HTRA4: variants seen among roughly 807,000 people sequenced by gnomAD.
HTRA4 encodes the protein serine protease HTRA4.
Under a neutral mutation model 49.1 loss-of-function variants are expected in HTRA4, and 46 were observed. That is an observed-to-expected ratio of 0.94 (90% CI 0.74 to 1.20). HTRA4 has a LOEUF of 1.20. Ranked by LOEUF, HTRA4 falls within the 50% of genes most tolerant of loss-of-function variation. The pLI, the probability that HTRA4 is intolerant of heterozygous loss-of-function variation, is 0.00. For synonymous variants in HTRA4, 261 were observed against 264.0 expected (o/e 0.99, Z 0.11); for missense variants, 602 against 636.9 (o/e 0.95, Z 0.59).
At chr8:38,981,575 CCTT>C (rs1457440590) in intron 5 of HTRA4, 75 bp from the exon 6 acceptor site, 19 of 940,526 alleles carry the variant, frequency 2.0e-5, no homozygotes, top group South Asian at 2.8e-5. Flanking sequence ...TAGCTTCACT[CCTT>C]CTTCTGCTTG....
Position 38,978,163 on chromosome 8 carries a change from C to T in HTRA4, c.966+16C>T. The T allele has an allele frequency of 6.2e-7, 1 of 1,600,650 alleles. No individual in the cohort carries two copies. Among genetic ancestry groups the T allele is most frequent in the Non-Finnish European group, 8.5e-7 (1 of 1,172,276 alleles). On this transcript the variant is annotated intron_variant, in intron 4 of 8. Transcript: ENST00000302495. ...CACAATTAATGTAAGTCACTTAGGACAGAGGTGCCCAACCCATGGGCTGTG... is the reference window on the plus strand; with the variant it reads ...CACAATTAATGTAAGTCACTTAGGATAGAGGTGCCCAACCCATGGGCTGTG...
intron 8 of HTRA4, among the ~76,000 whole-genome samples, chr8:38,984,128 G>GT (rs1835456914): frequency 6.6e-6 from 1 of 151,892 alleles, no homozygotes; most frequent in South Asian, 2.1e-4. Context: ...AGCCTCCCGA[G>GT]TAGCTGGGAT....
chr8:38,982,468 G>A, intron 6 of HTRA4, 30 bp from the exon 7 acceptor site: 1 of 1,600,154 alleles, frequency 6.2e-7, no homozygotes, highest in South Asian at 1.1e-5. Context: ...AAGAGGTTTT[G>A]TTGTAACACA....
In HTRA4 at chr8:38,978,148, G is replaced by C. The variant is rs781612001; in HGVS notation, c.966+1G>C. The C allele has an allele frequency of 7.4e-6, 12 of 1,610,880 alleles. No homozygotes were observed. Among genetic ancestry groups the C allele is most frequent in the Non-Finnish European group, 1.0e-5 (12 of 1,178,158 alleles). On this transcript the variant is annotated splice_donor_variant, in intron 4 of 8. Transcript: ENST00000302495. LOFTEE classifies it high-confidence loss of function. Reference sequence around the variant, plus strand: ...CGTCCAGATTGATGCCACAATTAATGTAAGTCACTTAGGACAGAGGTGCCC... The same window carrying C: ...CGTCCAGATTGATGCCACAATTAATCTAAGTCACTTAGGACAGAGGTGCCC...
chr8:38,982,020 G>C (rs758830940), intron 6 of HTRA4, among the ~76,000 whole-genome samples: 5 of 151,950 alleles, frequency 3.3e-5, no homozygotes, highest in African/African-American at 1.2e-4. Context: ...GCTCATTTTC[G>C]TATTTTCAGT....
chr8:38,976,692 G>C lies in HTRA4; in HGVS notation c.724G>C (p.Asp242His), dbSNP rs1257892247. ...NGARYEAVVK[D>H]IDLKLDLAVI... ...GGCCCGTTATGAAGCTGTTGTCAAG[G>C]ATATTGACCTTAAATTGGATCTTGC... Residue 242 changes from aspartate (D) to histidine (H), a missense_variant, in exon 3 of 9, where the codon GAT becomes CAT. By Grantham distance (81) the Asp-to-His change is moderately conservative. Coordinates refer to ENST00000302495, the MANE Select transcript of HTRA4 (RefSeq NM_153692.4). The C allele has an allele frequency of 6.2e-7, 1 of 1,614,044 alleles. No individual in the cohort carries two copies. Among genetic ancestry groups the C allele is most frequent in the Non-Finnish European group, 8.5e-7 (1 of 1,180,050 alleles).
rs1564178988 is a variant in HTRA4, at chr8:38,981,076, T to TTTGTTTG, written c.1000-575_1000-574insGTTTGTT. Reference sequence around the variant, plus strand: ...AAATGAGCTTAAGTTTTTTTTTTTTTTTTTTTTTTTTTTTTTTTTTTGAGA... The same window carrying TTTGTTTG: ...AAATGAGCTTAAGTTTTTTTTTTTTTTTGTTTGTTTTTTTTTTTTTTTTTTTTTGAGA... On this transcript the variant is annotated intron_variant, in intron 5 of 8. Transcript: ENST00000302495. Among the ~76,000 whole-genome samples, 4 of 104,266 alleles carry TTTGTTTG rather than the reference T, an allele frequency of 3.8e-5. No individual in the cohort carries two copies. In the East Asian group the frequency reaches 1.0e-3, roughly 26 times the overall value. The allele number at this position is 104,266 out of a possible 152,430, so 68.4% of individuals were successfully genotyped here.
Position 38,988,000 on chromosome 8 carries a change from G to A in HTRA4, c.1333G>A (p.Asp445Asn). The A allele has an allele frequency of 1.9e-6, 3 of 1,611,352 alleles. No homozygotes were observed. Among genetic ancestry groups the A allele is most frequent in the Non-Finnish European group, 1.7e-6 (2 of 1,178,678 alleles). Residue 445 changes from aspartate (D) to asparagine (N), a missense_variant, in exon 9 of 9, where the codon GAT (aspartate) becomes AAT (asparagine). Physicochemically the swap from Asp to Asn is conservative, Grantham distance 23. Coordinates refer to ENST00000302495, the MANE Select transcript of HTRA4 (RefSeq NM_153692.4). ...INGKPITTTTDVVKALDSDSL... is the reference protein window; with the variant it reads ...INGKPITTTTNVVKALDSDSL... Reference sequence around the variant, plus strand: ...TGGGAAACCTATTACTACTACAACTGATGTTGTTAAAGCTCTTGACAGTGA... The same window carrying A: ...TGGGAAACCTATTACTACTACAACTAATGTTGTTAAAGCTCTTGACAGTGA...
At position 38,978,005 on chromosome 8, in the gene HTRA4, A is replaced by G. The variant is rs778179520; in HGVS notation, c.824A>G (p.Glu275Gly). Residue 275 changes from glutamate to glycine, a missense_variant, in exon 4 of 9, where the codon GAG becomes GGG. By Grantham distance (98) the Glu-to-Gly change is moderately conservative (BLOSUM62 -2). Transcript: ENST00000302495. Reference protein sequence around the residue: ...LGRSSDLRAGEFVVALGSPFS... With the variant: ...LGRSSDLRAGGFVVALGSPFS... ...AGATCATCTGACCTTCGGGCTGGAG[A>G]GTTTGTGGTGGCTTTGGGCAGCCCA... 1 of 1,613,854 alleles carries G rather than the reference A, an allele frequency of 6.2e-7. No individual in the cohort carries two copies. The highest frequency in any genetic ancestry group is 1.7e-5 in the Admixed American group (1 of 59,994).
Position 38,976,642 on chromosome 8 carries a change from G to A in HTRA4, c.674G>A (p.Trp225Ter), listed in dbSNP as rs771121873. Residue 225 changes from tryptophan (W) to a stop codon, truncating the protein, a stop_gained, in exon 3 of 9, where the codon TGG becomes TAG. Transcript: ENST00000302495. LOFTEE classifies it high-confidence loss of function. ...GCCCATGTTGTCAGGAACCAGCAGT[G>A]GATTGAGGTGGTGCTCCAGAATGGG... ...TNAHVVRNQQ[W>*]IEVVLQNGAR... 1.2e-6 allele frequency: 2 copies of A among 1,614,190 alleles called. No individual in the cohort carries two copies. Among genetic ancestry groups the A allele is most frequent in the South Asian group, 1.1e-5 (1 of 91,086 alleles).
chr8:38,979,551 T>G (rs910103003), intron 5 of HTRA4, among the ~76,000 whole-genome samples: 4 of 152,246 alleles, frequency 2.6e-5, no homozygotes, highest in Non-Finnish European at 5.9e-5. Context: ...AATTCAAGAT[T>G]GTTATCCTGG....
intron 3 of HTRA4, 55 bp from the exon 4 acceptor site, chr8:38,977,898 C>A: frequency 6.4e-7 from 1 of 1,568,566 alleles, no homozygotes; most frequent in Non-Finnish European, 8.7e-7. Flanking sequence ...CAATTCTGAT[C>A]GTGATTTGTT....
At chr8:38,979,437 AG>A (rs1835393257) in intron 5 of HTRA4, among the ~76,000 whole-genome samples, 190 bp downstream of exon 5, 1 of 152,196 alleles carries the variant, frequency 6.6e-6, no homozygotes, top group African/African-American at 2.4e-5. Context: ...AAAACAAAAA[AG>A]GACTTTACAT....
intron 1 of HTRA4, 132 bp from the exon 2 acceptor site, chr8:38,974,899 T>C: frequency 8.0e-7 from 1 of 1,242,326 alleles, no homozygotes; most frequent in South Asian, 1.3e-5. Flanking sequence ...ACAGGGGCTC[T>C]TTACCGGCTG....
chr8:38,979,391 T>C, intron 5 of HTRA4, 144 bp downstream of exon 5: 1 of 775,570 alleles, frequency 1.3e-6, no homozygotes, highest in East Asian at 2.4e-5. Context: ...GAGACTAGCC[T>C]GGGCAAGACA....
intron 3 of HTRA4, among the ~76,000 whole-genome samples, chr8:38,977,263 A>T (rs1263972073): frequency 1.2e-4 from 16 of 134,332 alleles, no homozygotes; most frequent in Admixed American, 6.3e-4. Flanking sequence ...ACTATCAAGC[A>T]GTCTTTTTTT....
chr8:38,978,701 G>C (rs375105630), intron 4 of HTRA4, among the ~76,000 whole-genome samples: 1 of 152,216 alleles, frequency 6.6e-6, no homozygotes, highest in African/African-American at 2.4e-5. Flanking sequence ...CCTGTAAGAA[G>C]GTGGTGGTCC....
Position 38,977,986 on chromosome 8 carries a change from T to C in HTRA4, c.805T>C (p.Ser269Pro). ...TCCTGTACTGATGCTGGGAAGATCA[T>C]CTGACCTTCGGGCTGGAGAGTTTGT... ...ELPVLMLGRS[S>P]DLRAGEFVVA... Residue 269 changes from serine to proline, a missense_variant, in exon 4 of 9, where the codon TCT (serine) becomes CCT (proline). Coordinates refer to ENST00000302495, the MANE Select transcript of HTRA4 (RefSeq NM_153692.4). The C allele has an allele frequency of 6.2e-7, 1 of 1,614,156 alleles. No individual in the cohort carries two copies.
At chr8:38,981,081 T>TGTTTG (rs746105812) in intron 5 of HTRA4, among the ~76,000 whole-genome samples, 1 of 128,814 alleles carries the variant, frequency 7.8e-6, no homozygotes, top group African/African-American at 2.9e-5. Context: ...TTTTTTTTTT[T>TGTTTG]TTTTTTTTTT....
Sources: allele counts gnomAD v4.1 joint callset (sites outside exome capture counted in the v4.1 genomes callset), GRCh38; gene constraint gnomAD v4.1.1; transcripts MANE v1.5; gene names NCBI Gene and HGNC (gene_info 2026-07-23, HGNC 2026-07-21).